The following LRRC70 variants were observed in gnomAD, a reference collection of about 807,000 sequenced individuals.
The protein encoded by LRRC70 is leucine-rich repeat-containing protein 70.
LRRC70 carries 31 observed loss-of-function variants against 42.4 expected under a neutral mutation model. The ratio of observed to expected loss-of-function variants is 0.73; its 90% CI spans 0.55 to 0.99. The LOEUF is 0.99. Among genes scored for constraint, LRRC70 ranks in the 50% least tolerant of loss-of-function variants. LRRC70 has a pLI of 0.00. For synonymous variants in LRRC70, 270 were observed against 262.9 expected, an observed-to-expected ratio of 1.03 and a Z score of -0.26; for missense variants, 643 against 707.5, an observed-to-expected ratio of 0.91 and a Z score of 1.03.
At position 62,580,645 on chromosome 5, in the gene LRRC70, A is replaced by C; in HGVS notation, c.1207A>C (p.Asn403His). ...AGCATTACGTTATATTAACATTACA[A>C]ATTGTGTTACATCTTCAATAAATGT... ...GRALRYINIT[N>H]CVTSSINVSR... Residue 403 changes from asparagine to histidine, a missense_variant, in exon 2 of 2, where the codon AAT becomes CAT. Transcript: ENST00000334994. The C allele has an allele frequency of 2.6e-6, 4 of 1,551,472 alleles. No individual in the cohort carries two copies. Among genetic ancestry groups the C allele is most frequent in the Non-Finnish European group, 3.5e-6 (4 of 1,146,824 alleles).
Position 62,581,381 on chromosome 5 carries a change from A to G in LRRC70, c.*74A>G, listed in dbSNP as rs556062159. 1.7e-5 allele frequency: 19 copies of G among 1,109,282 alleles called. No individual in the cohort carries two copies. In the Admixed American group the frequency reaches 4.5e-4, roughly 26 times the overall value. 68.7% of individuals were successfully genotyped at this position (1,109,282 alleles called of 1,614,324 possible). ...TAAACTGAAACCTCCTTATATAATTATATACTTTAGTTGGAAATATAATGA... is the reference window on the plus strand; with the variant it reads ...TAAACTGAAACCTCCTTATATAATTGTATACTTTAGTTGGAAATATAATGA... On this transcript the variant is annotated 3_prime_UTR_variant, in exon 2 of 2. Transcript: ENST00000334994.
chr5:62,581,425 TA>T lies in LRRC70; in HGVS notation c.*119del, dbSNP rs1447188332. The T allele has an allele frequency of 3.7e-6, 3 of 805,770 alleles. No individual in the cohort carries two copies. The highest frequency in any genetic ancestry group is 5.6e-6 in the Non-Finnish European group (3 of 539,384). 49.9% of individuals were successfully genotyped at this position (805,770 alleles called of 1,614,324 possible). On this transcript the variant is annotated 3_prime_UTR_variant, in exon 2 of 2. Coordinates refer to ENST00000334994, the MANE Select transcript of LRRC70 (RefSeq NM_181506.5). ...ATAATGAATTATATGAGGTTAGCATTATTAAAATATGTTTTTAATAATTTGT... is the reference window on the plus strand; with the variant it reads ...ATAATGAATTATATGAGGTTAGCATTTTAAAATATGTTTTTAATAATTTGT...
rs1398273996 is a variant in LRRC70 at position 62,580,825 on chromosome 5, G to C, written c.1387G>C (p.Ala463Pro). 1.3e-6 allele frequency: 2 copies of C among 1,551,218 alleles called. No homozygotes were observed. The highest frequency in any genetic ancestry group is 4.9e-5 in the East Asian group (2 of 40,922). ...CTGGGAACGAATTCCTACTTCACCT[G>C]CTGGTAGATTTTTTCAAGAGAATGC... Reference protein sequence around the residue: ...TFWERIPTSPAGRFFQENAFG... With the variant: ...TFWERIPTSPPGRFFQENAFG... Residue 463 changes from alanine (A) to proline (P), a missense_variant, in exon 2 of 2, where the codon GCT becomes CCT. By Grantham distance (27) the Ala-to-Pro change is conservative (BLOSUM62 -1). Coordinates refer to ENST00000334994, the MANE Select transcript of LRRC70 (RefSeq NM_181506.5).
chr5:62,581,076 C>T lies in LRRC70; in HGVS notation c.1638C>T (p.Ile546=). Residue 546 remains isoleucine (I), a synonymous_variant, in exon 2 of 2, where the codon ATC becomes ATT. Coordinates refer to ENST00000334994, the MANE Select transcript of LRRC70 (RefSeq NM_181506.5). ...CTTGTGTTTTAATCATTTTTTTGAT[C>T]TACAAAGTTGTTCAGTTTAAACAAA... ...ILACVLIIFL[I]YKVVQFKQKL... 6.5e-7 allele frequency: 1 copy of T among 1,549,110 alleles called. No individual in the cohort carries two copies. The highest frequency in any genetic ancestry group is 8.7e-7 in the Non-Finnish European group (1 of 1,146,324).
Position 62,581,133 on chromosome 5 carries a change from T to TA in LRRC70, c.1696dup (p.Arg566LysfsTer3). 2 of 1,550,168 alleles carry TA rather than the reference T, an allele frequency of 1.3e-6. No individual in the cohort carries two copies. The highest frequency in any genetic ancestry group is 1.7e-6 in the Non-Finnish European group (2 of 1,146,528). On this transcript the variant is annotated frameshift_variant, in exon 2 of 2. Coordinates refer to ENST00000334994, the MANE Select transcript of LRRC70 (RefSeq NM_181506.5). LOFTEE classifies it high-confidence loss of function. ...AGGCATCAGAAAACTCAAGGGAAAA[T>TA]AGACTTGAATACTACAGCTTTTATC...
At chr5:62,579,324 C>A in intron 1 of LRRC70, 77 bp from the exon 2 acceptor site, 1 of 904,452 alleles carries the variant, frequency 1.1e-6, no homozygotes, top group Non-Finnish European at 1.8e-6. Flanking sequence ...AAATAGAATA[C>A]AGAAGTTATA....
In LRRC70 at chr5:62,580,521, G is replaced by A; in HGVS notation, c.1083G>A (p.Trp361Ter). The A allele has an allele frequency of 6.4e-7, 1 of 1,551,294 alleles. No individual in the cohort carries two copies. Among genetic ancestry groups the A allele is most frequent in the Non-Finnish European group, 8.7e-7 (1 of 1,146,794 alleles). Residue 361 changes from tryptophan to a stop codon, truncating the protein, a stop_gained, in exon 2 of 2, where the codon TGG becomes TGA. Coordinates refer to ENST00000334994, the MANE Select transcript of LRRC70 (RefSeq NM_181506.5). LOFTEE classifies it high-confidence loss of function. ...ATCTTCAGGCAAATTCTAATCCTTG[G>A]GAATGTAACTGCAAACTTTTGGGCC... ...LIHLQANSNP[W>*]ECNCKLLGLR...
Position 62,581,115 on chromosome 5 carries a change from A to T in LRRC70, c.1677A>T (p.Ser559=), listed in dbSNP as rs1478842962. The T allele has an allele frequency of 3.9e-6, 6 of 1,549,706 alleles. No homozygotes were observed. Among genetic ancestry groups the T allele is most frequent in the Non-Finnish European group, 5.2e-6 (6 of 1,146,454 alleles). The part of the protein sequence containing the change: ...VVQFKQKLKA[S]ENSRENRLEY... ...AGTTTAAACAAAAACTAAAGGCATC[A>T]GAAAACTCAAGGGAAAATAGACTTG... The change falls in exon 2 of 2, where the codon TCA becomes TCT. Residue 559 remains serine, a synonymous_variant. Coordinates refer to ENST00000334994, the MANE Select transcript of LRRC70 (RefSeq NM_181506.5).
At position 62,580,928 on chromosome 5, in the gene LRRC70, A is replaced by T. The variant is rs1478280693; in HGVS notation, c.1490A>T (p.Glu497Val). The T allele has an allele frequency of 3.0e-5, 47 of 1,551,134 alleles. No individual in the cohort carries two copies. Among genetic ancestry groups the T allele is most frequent in the Non-Finnish European group, 3.5e-5 (40 of 1,146,764 alleles). ...QLTTSVTLNL[E>V]KNSALPNDAA... ...ACTACTTCTGTTACCTTGAACTTGGAAAAAAACAGTGCTCTACCGAATGAT... is the reference window on the plus strand; with the variant it reads ...ACTACTTCTGTTACCTTGAACTTGGTAAAAAACAGTGCTCTACCGAATGAT... The change falls in exon 2 of 2, where the codon GAA (glutamate) becomes GTA (valine). Residue 497 changes from glutamate (E) to valine (V), a missense_variant. Coordinates refer to ENST00000334994, the MANE Select transcript of LRRC70 (RefSeq NM_181506.5).
chr5:62,581,004 GA>G lies in LRRC70; in HGVS notation c.1568del (p.Lys523SerfsTer2). The G allele has an allele frequency of 6.4e-7, 1 of 1,551,244 alleles. No homozygotes were observed. Among genetic ancestry groups the G allele is most frequent in the South Asian group, 1.2e-5 (1 of 84,008 alleles). On this transcript the variant is annotated frameshift_variant, in exon 2 of 2. Transcript: ENST00000334994. LOFTEE classifies it high-confidence loss of function. ...TSLICTQEVEKLNEAFDILLA... is the reference protein window; with the variant it reads ...TSLICTQEVEXLNEAFDILLA... ...CTCTAATTTGTACACAAGAAGTTGA[GA>G]AGTTGAATGAGGCTTTTGACATTTT...
chr5:62,580,723 GCGCTAA>G lies in LRRC70; in HGVS notation c.1286_1291del (p.Ala429_Met431delinsVal), dbSNP rs1744519271. The G allele has an allele frequency of 1.3e-6, 2 of 1,551,358 alleles. No homozygotes were observed. Among genetic ancestry groups the G allele is most frequent in the Non-Finnish European group, 1.7e-6 (2 of 1,146,808 alleles). On this transcript the variant is annotated inframe_deletion, in exon 2 of 2. Coordinates refer to ENST00000334994, the MANE Select transcript of LRRC70 (RefSeq NM_181506.5). Reference sequence around the variant, plus strand: ...TCCTCATATTCATCACAAGACTACTGCGCTAATGATGGCCTGGCATAAAGTAACCAC... The same window carrying G: ...TCCTCATATTCATCACAAGACTACTGTGATGGCCTGGCATAAAGTAACCAC...
chr5:62,578,836 C>G lies in LRRC70; in HGVS notation c.-138C>G. 2.6e-6 allele frequency: 1 copy of G among 387,918 alleles called. No individual in the cohort carries two copies. Among genetic ancestry groups the G allele is most frequent in the Admixed American group, 3.4e-5 (1 of 29,834 alleles). The allele number at this position is 387,918 out of a possible 1,614,324, so 24.0% of individuals were successfully genotyped here. Reference sequence around the variant, plus strand: ...GTGGTGGGGTGGAGGTCAGCAGTGCCACAGAACAAACTGGAGTTAAGAAAT... The same window carrying G: ...GTGGTGGGGTGGAGGTCAGCAGTGCGACAGAACAAACTGGAGTTAAGAAAT... On this transcript the variant is annotated 5_prime_UTR_variant, in exon 1 of 2. Transcript: ENST00000334994.
chr5:62,581,371 T>G lies in LRRC70; in HGVS notation c.*64T>G, dbSNP rs1744554260. ...GGACATGATTTAAACTGAAACCTCC[T>G]TATATAATTATATACTTTAGTTGGA... On this transcript the variant is annotated 3_prime_UTR_variant, in exon 2 of 2. Transcript: ENST00000334994. 8.9e-7 allele frequency: 1 copy of G among 1,123,748 alleles called. No homozygotes were observed. Among genetic ancestry groups the G allele is most frequent in the African/African-American group, 1.6e-5 (1 of 62,574 alleles). 69.6% of individuals were successfully genotyped at this position (1,123,748 alleles called of 1,614,324 possible). A position where few individuals can be genotyped will look rare whatever the true frequency, so the allele number is the denominator to read the frequency against.
At chr5:62,579,191 T>C (rs1369781074) in intron 1 of LRRC70, among the ~76,000 whole-genome samples, 1 of 152,154 alleles carries the variant, frequency 6.6e-6, no homozygotes, top group Non-Finnish European at 1.5e-5. Context: ...ATCTGAACTA[T>C]TTTGTCAAAT....
In LRRC70 at chr5:62,580,362, T is replaced by C. The variant is rs1295908876; in HGVS notation, c.924T>C (p.Asp308=). 14 of 1,546,628 alleles carry C rather than the reference T, an allele frequency of 9.1e-6. No homozygotes were observed. Among genetic ancestry groups the C allele is most frequent in the Admixed American group, 7.8e-5 (4 of 50,970 alleles). ...AGAATTTAATTTACCTTAAGTTAGA[T>C]AGAAACAGAATAATTAGCATTGATA... The part of the protein sequence containing the change: ...LLKNLIYLKL[D]RNRIISIDND... The change falls in exon 2 of 2, where the codon GAT becomes GAC. Residue 308 remains aspartate (D), a synonymous_variant. Coordinates refer to ENST00000334994, the MANE Select transcript of LRRC70 (RefSeq NM_181506.5).
rs1314627756 is a variant in LRRC70, at chr5:62,579,642, T to C, written c.204T>C (p.Thr68=). The change falls in exon 2 of 2, where the codon ACT becomes ACC. Residue 68 remains threonine (T), a synonymous_variant. Coordinates refer to ENST00000334994, the MANE Select transcript of LRRC70 (RefSeq NM_181506.5). Reference sequence around the variant, plus strand: ...AAAGTACAGTTTTTCTGTATCTGACTGGGAATAATATATCTTATATAAATG... The same window carrying C: ...AAAGTACAGTTTTTCTGTATCTGACCGGGAATAATATATCTTATATAAATG... ...FPESTVFLYL[T]GNNISYINES... is the part of the protein sequence containing the mutation. 1.9e-6 allele frequency: 3 copies of C among 1,549,366 alleles called. No individual in the cohort carries two copies. In the Admixed American group the frequency reaches 5.9e-5, roughly 31 times the overall value.
In LRRC70 at chr5:62,579,453, G is replaced by T; in HGVS notation, c.15G>T (p.Gln5His). 1 of 1,550,726 alleles carries T rather than the reference G, an allele frequency of 6.4e-7. No homozygotes were observed. The highest frequency in any genetic ancestry group is 8.7e-7 in the Non-Finnish European group (1 of 1,146,352). MCGL[Q>H]FSLPCLRLFL... is the part of the protein sequence containing the mutation. ...AGAACAGGGATATGTGTGGATTACA[G>T]TTTTCTCTGCCTTGCCTACGACTGT... The change falls in exon 2 of 2, where the codon CAG (glutamine) becomes CAT (histidine). Residue 5 changes from glutamine to histidine, a missense_variant. Transcript: ENST00000334994.
In LRRC70 at chr5:62,579,740, C is replaced by G. The variant is rs964999833; in HGVS notation, c.302C>G (p.Pro101Arg). Residue 101 changes from proline to arginine, a missense_variant, in exon 2 of 2, where the codon CCA becomes CGA. Coordinates refer to ENST00000334994, the MANE Select transcript of LRRC70 (RefSeq NM_181506.5). The stretch of plus-strand genomic sequence containing the variant: ...AATTCTAACATTCTGTATGTATATC[C>G]AAAAGCCTTTGTTCAATTGAGGCAT... ...LDNSNILYVY[P>R]KAFVQLRHLY... The G allele has an allele frequency of 6.5e-7, 1 of 1,547,552 alleles. No individual in the cohort carries two copies.
rs889940391 is a variant in LRRC70 at position 62,579,940 on chromosome 5, C to G, written c.502C>G (p.Leu168Val). The change falls in exon 2 of 2, where the codon CTC (leucine) becomes GTC (valine). Residue 168 changes from leucine to valine, a missense_variant. Transcript: ENST00000334994. ...VQYLNLQRNR[L>V]TVLGSGTFVG... ...GTACTTAAATCTACAAAGGAATCGC[C>G]TCACTGTCCTTGGGAGTGGTACCTT... The G allele has an allele frequency of 1.9e-6, 3 of 1,551,134 alleles. No homozygotes were observed. The African/African-American group carries it at 4.1e-5, about 21-fold the overall frequency.
Sources: gnomAD v4.1 joint callset for allele counts (sites outside exome capture counted in the v4.1 genomes callset) on GRCh38, gnomAD v4.1.1 for gene constraint, MANE v1.5 for transcripts, NCBI Gene and HGNC (gene_info 2026-07-23, HGNC 2026-07-21) for gene names.